The following CNTN4 variants were observed in gnomAD, a reference collection of about 807,000 sequenced individuals.
CNTN4 encodes the protein contactin-4.
Under a neutral mutation model 122.5 loss-of-function variants are expected in CNTN4, and 77 were observed. That is an observed-to-expected ratio of 0.63 (90% CI 0.52 to 0.76). CNTN4 has a LOEUF of 0.76. Ranked by LOEUF, CNTN4 falls within the 30% of genes least tolerant of loss-of-function variation. The pLI is 0.00. For synonymous variants in CNTN4, 512 were observed against 447.0 expected (o/e 1.15, Z -1.83); for missense variants, 1,256 against 1,259.1 (o/e 1.00, Z 0.04).
intron 3 of CNTN4, among the ~76,000 whole-genome samples, chr3:2,399,104 AAAAG>A (rs1230389432): frequency 6.6e-6 from 1 of 152,124 alleles, no homozygotes; most frequent in African/African-American, 2.4e-5. Flanking sequence ...ACTGGGGAAA[AAAAG>A]AAAGAAAAGA....
intron 14 of CNTN4, among the ~76,000 whole-genome samples, chr3:2,990,580 C>T (rs1306059147): frequency 1.3e-5 from 2 of 152,120 alleles, no homozygotes; most frequent in African/African-American, 4.8e-5. Flanking sequence ...CCTCTATTTC[C>T]CATCAGAGTT....
At chr3:3,042,245 T>G in intron 20 of CNTN4, 65 bp from the exon 21 acceptor site, 1 of 1,102,424 alleles carries the variant, frequency 9.1e-7, no homozygotes, top group African/African-American at 1.5e-5. Flanking sequence ...CTTATAATGC[T>G]AGTATCTACA....
intron 6 of CNTN4, among the ~76,000 whole-genome samples, chr3:2,746,060 G>A (rs1314219430): frequency 6.6e-6 from 1 of 152,034 alleles, no homozygotes; most frequent in Admixed American, 6.5e-5. Flanking sequence ...AATAGAATGT[G>A]TATAAGCAAG....
intron 13 of CNTN4, among the ~76,000 whole-genome samples, chr3:2,945,543 C>G (rs566873959): frequency 1.3e-5 from 2 of 152,252 alleles, no homozygotes; most frequent in African/African-American, 4.8e-5. Context: ...CCCCTCTCAG[C>G]CTTTATCCTC....
At chr3:2,430,783 G>A (rs2048039776) in intron 3 of CNTN4, among the ~76,000 whole-genome samples, 1 of 152,078 alleles carries the variant, frequency 6.6e-6, no homozygotes, top group Admixed American at 6.6e-5. Flanking sequence ...TGTTATTTTA[G>A]CATTTATATT....
chr3:2,821,595 A>G (rs6772294), intron 7 of CNTN4, among the ~76,000 whole-genome samples: 15,670 of 152,276 alleles, frequency 0.1, 917 homozygotes, highest in Admixed American at 0.14. Context: ...GGAAAATATC[A>G]TAATTTTACT....
At chr3:2,439,461 T>C (rs2048360108) in intron 3 of CNTN4, among the ~76,000 whole-genome samples, 1 of 152,186 alleles carries the variant, frequency 6.6e-6, no homozygotes. Flanking sequence ...CTGGATGTTC[T>C]TCCCACTAGC....
In CNTN4 at chr3:3,000,472, A is replaced by G. The variant is rs146978770; in HGVS notation, c.1486+12000A>G. Among the ~76,000 whole-genome samples the G allele has an allele frequency of 3.3e-4, 50 of 152,382 alleles. No individual in the cohort carries two copies. In the East Asian group the frequency reaches 9.1e-3, roughly 28 times the overall value. On this transcript the variant is annotated intron_variant, in intron 14 of 24. Coordinates refer to ENST00000418658, the MANE Select transcript of CNTN4 (RefSeq NM_175607.3). ...CTATGTGACATCAGAGGGCAGTACC[A>G]TAAGAGATGAGCAGGAACTGCTGGA... is the stretch of plus-strand genomic sequence containing the variant.
chr3:2,741,400 A>G (rs2089448505), intron 5 of CNTN4, among the ~76,000 whole-genome samples: 1 of 152,220 alleles, frequency 6.6e-6, no homozygotes, highest in African/African-American at 2.4e-5. Flanking sequence ...AAGGAAAAGA[A>G]GTGCATTCCA....
chr3:2,387,946 C>T lies in CNTN4; in HGVS notation c.-89+48713C>T, dbSNP rs572568802. Among the ~76,000 whole-genome samples the T allele has an allele frequency of 2.6e-3, 395 of 152,234 alleles. 6 individuals are homozygous for T. Among genetic ancestry groups the T allele is most frequent in the African/African-American group, 8.9e-3 (371 of 41,546 alleles). ...TGAAGTTCTAGAAGAGTACAGTCAG[C>T]GTCTTGGAAAAGCCTGTGTAAAATA... On this transcript the variant is annotated intron_variant, in intron 3 of 24. Coordinates refer to ENST00000418658, the MANE Select transcript of CNTN4 (RefSeq NM_175607.3).
At chr3:2,825,287 G>A (rs1014122786) in intron 7 of CNTN4, among the ~76,000 whole-genome samples, 14 of 151,586 alleles carry the variant, frequency 9.2e-5, no homozygotes, top group Middle Eastern at 3.4e-3. Flanking sequence ...GTGCAGTGGC[G>A]TGATCTCAGC....
rs567322445 is a variant in CNTN4 at position 2,169,860 on chromosome 3, A to G, written c.-145+69221A>G. Among the ~76,000 whole-genome samples, 10 of 121,378 alleles carry G rather than the reference A, an allele frequency of 8.2e-5. No individual in the cohort carries two copies. In the South Asian group the frequency reaches 2.5e-3, roughly 31 times the overall value. 79.6% of individuals were successfully genotyped at this position (121,378 alleles called of 152,430 possible). A position where few individuals can be genotyped will look rare whatever the true frequency, so the allele number is the denominator to read the frequency against. Reference sequence around the variant, plus strand: ...AGATTATAGTTGGTAAAATGAAAACAGAATTAAGAATAAATAATGGGAAAG... The same window carrying G: ...AGATTATAGTTGGTAAAATGAAAACGGAATTAAGAATAAATAATGGGAAAG... On this transcript the variant is annotated intron_variant, in intron 2 of 24. Transcript: ENST00000418658.
At chr3:2,519,158 A>T (rs1327029976) in intron 3 of CNTN4, among the ~76,000 whole-genome samples, 4 of 152,150 alleles carry the variant, frequency 2.6e-5, no homozygotes, top group Non-Finnish European at 5.9e-5. Flanking sequence ...AAAAGGGAAG[A>T]TCGGCTTGCC....
intron 2 of CNTN4, among the ~76,000 whole-genome samples, chr3:2,267,295 C>T (rs2041092790): frequency 6.6e-6 from 1 of 152,102 alleles, no homozygotes; most frequent in Admixed American, 6.6e-5. Flanking sequence ...TTAAATATCT[C>T]CTCTTCTCAT....
At chr3:2,302,888 A>T (rs993315544) in intron 2 of CNTN4, among the ~76,000 whole-genome samples, 3 of 152,234 alleles carry the variant, frequency 2.0e-5, no homozygotes, top group Non-Finnish European at 4.4e-5. Flanking sequence ...GTGAATAAAT[A>T]TGTGAATGAA....
intron 3 of CNTN4, among the ~76,000 whole-genome samples, chr3:2,429,667 C>T (rs114184749): frequency 1.9e-3 from 296 of 152,314 alleles, no homozygotes; most frequent in African/African-American, 6.5e-3. Flanking sequence ...TCAGCTGTGC[C>T]ATGCCCCGAA....
intron 12 of CNTN4, among the ~76,000 whole-genome samples, chr3:2,909,883 C>A (rs923127083): frequency 1.3e-5 from 2 of 152,154 alleles, no homozygotes; most frequent in African/African-American, 4.8e-5. Context: ...TCCAAGACCA[C>A]CGTTTGAGAA....
chr3:2,482,416 C>T (rs1454729992), intron 3 of CNTN4, among the ~76,000 whole-genome samples: 2 of 151,704 alleles, frequency 1.3e-5, no homozygotes, highest in Non-Finnish European at 2.9e-5. Flanking sequence ...AAATTTGCAG[C>T]CTGATGATGT....
In CNTN4 at chr3:3,042,977, G is replaced by C. The variant is rs1453115137; in HGVS notation, c.2512G>C (p.Val838Leu). The change falls in exon 22 of 25, where the codon GTT (valine) becomes CTT (leucine). Residue 838 changes from valine (V) to leucine (L), a missense_variant and splice_region_variant. Val to Leu is a conservative substitution (Grantham distance 32). Transcript: ENST00000418658. ...AAGGTCTTTCTGTTTATCTTCTTAG[G>C]TTAAATATTGGAGACATGAAGACAA... ...KNRGRIQGYE[V>L]KYWRHEDKEE... 6.2e-7 allele frequency: 1 copy of C among 1,612,620 alleles called. No homozygotes were observed.
Sources: gnomAD v4.1 joint callset for allele counts (sites outside exome capture counted in the v4.1 genomes callset) on GRCh38, gnomAD v4.1.1 for gene constraint, MANE v1.5 for transcripts, NCBI Gene and HGNC (gene_info 2026-07-23, HGNC 2026-07-21) for gene names.